Variants in GALNTL6 observed in about 807,000 individuals in gnomAD.
GALNTL6 encodes the protein polypeptide N-acetylgalactosaminyltransferase-like 6.
A neutral mutation model predicts 73.7 loss-of-function variants in GALNTL6; 46 were observed. That is an observed-to-expected ratio of 0.62 (90% confidence interval 0.49 to 0.80). GALNTL6 has a LOEUF of 0.80. GALNTL6 is among the 30% of genes least tolerant of loss of function. The probability of loss-of-function intolerance (pLI) is 0.00; values close to 1 mark genes in which losing one functional copy is unlikely to be tolerated. For missense variants in GALNTL6, 604 were observed against 755.0 expected, an observed-to-expected ratio of 0.80 and a Z score of 2.34; for synonymous variants, 259 against 263.7, an observed-to-expected ratio of 0.98 and a Z score of 0.17.
intron 5 of GALNTL6, among the ~76,000 whole-genome samples, chr4:172,471,394 C>T (rs1206520397): frequency 6.6e-6 from 1 of 152,122 alleles, no homozygotes; most frequent in African/African-American, 2.4e-5. Context: ...GTAACCTTTC[C>T]CTTTCCATTC....
chr4:171,940,084 G>A (rs1023379637), intron 2 of GALNTL6, among the ~76,000 whole-genome samples: 30 of 151,986 alleles, frequency 2.0e-4, no homozygotes, highest in African/African-American at 6.5e-4. Context: ...CTATAAAATA[G>A]AGTTGATTTC....
chr4:172,887,210 A>G (rs1308162897), intron 8 of GALNTL6, among the ~76,000 whole-genome samples: 1 of 152,230 alleles, frequency 6.6e-6, no homozygotes, highest in African/African-American at 2.4e-5. Context: ...TATATGTACC[A>G]CATTATCATA....
intron 4 of GALNTL6, among the ~76,000 whole-genome samples, chr4:172,329,563 C>G (rs1194518855): frequency 6.6e-6 from 1 of 151,972 alleles, no homozygotes; most frequent in Non-Finnish European, 1.5e-5. Context: ...GAACCACTGG[C>G]AGGGAGATTG....
At chr4:172,207,920 T>G (rs1736195596) in intron 2 of GALNTL6, among the ~76,000 whole-genome samples, 1 of 152,254 alleles carries the variant, frequency 6.6e-6, no homozygotes, top group South Asian at 2.1e-4. Context: ...TCATTCTGTA[T>G]GACTTGTAGA....
intron 5 of GALNTL6, among the ~76,000 whole-genome samples, chr4:172,787,674 C>T (rs1196865113): frequency 6.6e-6 from 1 of 152,146 alleles, no homozygotes; most frequent in Non-Finnish European, 1.5e-5. Flanking sequence ...CCAGGAGGAT[C>T]ACTGAGGAGG....
rs376307874 is a variant in GALNTL6 at position 172,278,296 on chromosome 4, G to A, written c.248-33318G>A. On this transcript the variant is annotated intron_variant, in intron 3 of 12. Transcript: ENST00000506823. The stretch of plus-strand genomic sequence containing the variant: ...TGTTGGACCTGGGCTTAAAAAGCAC[G>A]CCTTTTGTTTTTCATTTGTGTAGTT... Among the ~76,000 whole-genome samples, 7 of 152,068 alleles carry A rather than the reference G, an allele frequency of 4.6e-5. No individual in the cohort carries two copies. The South Asian group carries it at 6.2e-4, about 13-fold the overall frequency.
At chr4:172,433,587 A>G (rs558372779) in intron 5 of GALNTL6, among the ~76,000 whole-genome samples, 1 of 152,248 alleles carries the variant, frequency 6.6e-6, no homozygotes, top group South Asian at 2.1e-4. Flanking sequence ...TTAAAATATC[A>G]ACTACCATGC....
chr4:172,945,297 A>T (rs1749112138), intron 9 of GALNTL6, among the ~76,000 whole-genome samples: 1 of 152,172 alleles, frequency 6.6e-6, no homozygotes, highest in Non-Finnish European at 1.5e-5. Context: ...CGGGAAAGGG[A>T]TTTCAAAGAG....
intron 5 of GALNTL6, among the ~76,000 whole-genome samples, chr4:172,612,762 G>C (rs1257378246): frequency 6.6e-6 from 1 of 151,928 alleles, no homozygotes; most frequent in East Asian, 1.9e-4. Flanking sequence ...CTAAAATGTT[G>C]GTTGTTATTA....
chr4:172,327,591 A>G (rs887796836), intron 4 of GALNTL6, among the ~76,000 whole-genome samples: 1 of 152,088 alleles, frequency 6.6e-6, no homozygotes, highest in Middle Eastern at 3.2e-3. Flanking sequence ...TTGAGTGTAT[A>G]TATATTTGGG....
chr4:172,996,113 A>G (rs1276537139), intron 10 of GALNTL6, among the ~76,000 whole-genome samples: 2 of 152,128 alleles, frequency 1.3e-5, no homozygotes, highest in African/African-American at 2.4e-5. Flanking sequence ...TAGCAAAGAC[A>G]TGGAATCTAT....
Position 172,858,120 on chromosome 4 carries a change from A to G in GALNTL6, c.924-24670A>G, listed in dbSNP as rs1217890051. ...TTCCCAAAATGCATTTTTCAATGGC[A>G]CAGCAGGAAGCATGATGAAAAAGGG... is the stretch of plus-strand genomic sequence containing the variant. On this transcript the variant is annotated intron_variant, in intron 7 of 12. Transcript: ENST00000506823. 2.0e-5 allele frequency among the ~76,000 whole-genome samples: 3 copies of G among 152,290 alleles called. No individual in the cohort carries two copies. In the East Asian group the frequency reaches 5.8e-4, roughly 29 times the overall value.
chr4:172,394,428 CTTTTTTTTT>C (rs201130774), intron 5 of GALNTL6, among the ~76,000 whole-genome samples: 24 of 120,148 alleles, frequency 2.0e-4, no homozygotes, highest in African/African-American at 7.7e-4. Flanking sequence ...TCTTCTTCTT[CTTTTTTTTT>C]TTTTTTTTTT....
intron 3 of GALNTL6, among the ~76,000 whole-genome samples, chr4:172,285,459 A>G (rs902051899): frequency 6.6e-6 from 1 of 152,172 alleles, no homozygotes; most frequent in African/African-American, 2.4e-5. Context: ...GGAATCTAGC[A>G]AAAGTCTAAT....
At chr4:172,099,876 T>C (rs1732464464) in intron 2 of GALNTL6, among the ~76,000 whole-genome samples, 1 of 152,132 alleles carries the variant, frequency 6.6e-6, no homozygotes, top group Non-Finnish European at 1.5e-5. Context: ...CTGTTGACAC[T>C]GTCCTTAAAA....
At chr4:172,249,822 A>G (rs1222616642) in intron 3 of GALNTL6, among the ~76,000 whole-genome samples, 2 of 152,220 alleles carry the variant, frequency 1.3e-5, no homozygotes, top group African/African-American at 4.8e-5. Flanking sequence ...CATAGGATGT[A>G]TGGAAACACC....
At chr4:172,166,805 A>T (rs758248275) in intron 2 of GALNTL6, among the ~76,000 whole-genome samples, 1 of 152,162 alleles carries the variant, frequency 6.6e-6, no homozygotes, top group Non-Finnish European at 1.5e-5. Context: ...ATCTACATTA[A>T]TTTTTTACAT....
intron 2 of GALNTL6, among the ~76,000 whole-genome samples, chr4:172,156,700 A>G (rs1734301320): frequency 6.6e-6 from 1 of 151,344 alleles, no homozygotes; most frequent in South Asian, 2.1e-4. Flanking sequence ...AACACAATCA[A>G]GTTGGGGAGC....
At chr4:172,737,217 T>C (rs1736521172) in intron 5 of GALNTL6, among the ~76,000 whole-genome samples, 1 of 152,212 alleles carries the variant, frequency 6.6e-6, no homozygotes, top group African/African-American at 2.4e-5. Context: ...TTGCTCTTGC[T>C]CAGCTCCCTC....
Sources: gnomAD v4.1 joint callset for allele counts (sites outside exome capture counted in the v4.1 genomes callset) on GRCh38, gnomAD v4.1.1 for gene constraint, MANE v1.5 for transcripts, NCBI Gene and HGNC (gene_info 2026-07-23, HGNC 2026-07-21) for gene names.